Variants in SPATS2L observed in about 807,000 individuals in gnomAD.
The protein encoded by SPATS2L is spermatogenesis associated serine rich 2 like.
Under a neutral mutation model 59.6 loss-of-function variants are expected in SPATS2L, and 30 were observed. That is an observed-to-expected ratio of 0.50 (90% CI 0.38 to 0.68). The LOEUF (loss-of-function observed/expected upper bound fraction) is 0.68. Among genes scored for constraint, SPATS2L ranks in the 30% least tolerant of loss-of-function variants. The pLI is 0.00. For missense variants in SPATS2L, 615 were observed against 700.0 expected, an observed-to-expected ratio of 0.88 and a Z score of 1.37; for synonymous variants, 252 against 263.5, an observed-to-expected ratio of 0.96 and a Z score of 0.42.
intron 2 of SPATS2L, among the ~76,000 whole-genome samples, chr2:200,352,313 T>TTATATATA (rs869105613): frequency 1.2e-4 from 1 of 8,652 alleles, no homozygotes; most frequent in African/African-American, 1.6e-4. Context: ...CCAGCAGTTT[T>TTATATATA]TATATATATA....
Position 200,469,950 on chromosome 2 carries a change from G to T in SPATS2L, c.994G>T (p.Gly332Trp), listed in dbSNP as rs1241225561. The change falls in exon 11 of 13, where the codon GGG becomes TGG. Residue 332 changes from glycine (G) to tryptophan (W), a missense_variant. Gly to Trp is a radical substitution (Grantham distance 184). Coordinates refer to ENST00000409140, the MANE Select transcript of SPATS2L (RefSeq NM_001100423.2). ...VSERKYDEEL[G>W]KAARFSCDIE... ...CGAGCGTAAATATGACGAGGAGCTC[G>T]GGAAAGCTGCCCGGTTTTCCTGTGA... 2.5e-6 allele frequency: 4 copies of T among 1,612,006 alleles called. No individual in the cohort carries two copies. Among genetic ancestry groups the T allele is most frequent in the East Asian group, 2.2e-5 (1 of 44,816 alleles).
At chr2:200,471,957 AGG>A (rs1257372336) in intron 11 of SPATS2L, among the ~76,000 whole-genome samples, 6 of 152,220 alleles carry the variant, frequency 3.9e-5, no homozygotes, top group Non-Finnish European at 5.9e-5. Flanking sequence ...GAGGGAAGTC[AGG>A]GCTTTATCCT....
chr2:200,352,063 G>C (rs1444687063), intron 2 of SPATS2L, among the ~76,000 whole-genome samples: 1 of 152,090 alleles, frequency 6.6e-6, no homozygotes, highest in Non-Finnish European at 1.5e-5. Context: ...GAAAGAGCCA[G>C]AGACTGATGG....
At chr2:200,351,207 A>C in intron 2 of SPATS2L, 1 of 470,914 alleles carries the variant, frequency 2.1e-6, no homozygotes. Flanking sequence ...GTAGCTGAGC[A>C]CTTGCTGGGA....
chr2:200,442,342 G>A (rs1416087769), intron 8 of SPATS2L, among the ~76,000 whole-genome samples: 1 of 152,082 alleles, frequency 6.6e-6, no homozygotes, highest in East Asian at 1.9e-4. Flanking sequence ...CTAGAGCCAG[G>A]GTCTGCAGAC....
At chr2:200,380,360 C>T (rs992878697) in intron 2 of SPATS2L, among the ~76,000 whole-genome samples, 4 of 152,222 alleles carry the variant, frequency 2.6e-5, no homozygotes, top group African/African-American at 7.2e-5. Flanking sequence ...CTGCCGTGTA[C>T]GTGCAGCATA....
intron 8 of SPATS2L, among the ~76,000 whole-genome samples, chr2:200,449,610 A>G (rs1342466317): frequency 1.3e-5 from 2 of 152,078 alleles, no homozygotes; most frequent in Non-Finnish European, 2.9e-5. Flanking sequence ...AAATAGAAAA[A>G]TAAAGAGGAA....
At chr2:200,383,951 T>C in intron 2 of SPATS2L, 1 of 1,002,232 alleles carries the variant, frequency 1.0e-6, no homozygotes, top group South Asian at 4.7e-5. Context: ...AGTGAAACTT[T>C]ATTACTGCCT....
intron 6 of SPATS2L, among the ~76,000 whole-genome samples, chr2:200,432,199 G>A (rs1574509176): frequency 6.6e-6 from 1 of 152,214 alleles, no homozygotes; most frequent in African/African-American, 2.4e-5. Context: ...GGAAGTAGAT[G>A]GAAGGGGCTT....
chr2:200,351,343 G>A, intron 2 of SPATS2L: 3 of 470,866 alleles, frequency 6.4e-6, no homozygotes, highest in South Asian at 4.7e-5. Flanking sequence ...TAAACTTAAT[G>A]TATGCTAGAA....
rs183269653 is a variant in SPATS2L, at chr2:200,389,395, G to T, written c.39+112G>T. 2.1e-4 allele frequency: 150 copies of T among 705,228 alleles called. 2 individuals are homozygous for T. The highest frequency in any genetic ancestry group is 1.6e-3 in the South Asian group (86 of 52,166). 43.7% of individuals were successfully genotyped at this position (705,228 alleles called of 1,614,324 possible). ...AAGGGAAAGTGGTTTTGGGGGATAC[G>T]TAGTAAGTTTGCCACAACAGTAAAC... On this transcript the variant is annotated intron_variant, in intron 3 of 12. Transcript: ENST00000409140.
At chr2:200,322,062 A>G (rs1041045632) in intron 1 of SPATS2L, among the ~76,000 whole-genome samples, 3 of 152,248 alleles carry the variant, frequency 2.0e-5, no homozygotes, top group African/African-American at 7.2e-5. Context: ...ACTTGGTGCC[A>G]CATGAAAGAT....
rs753310352 is a variant in SPATS2L at position 200,477,855 on chromosome 2, G to T, written c.1501G>T (p.Ala501Ser). The stretch of plus-strand genomic sequence containing the variant: ...TTCCTTGGGGATGAAGACCCCCGAG[G>T]CCCCGGCCCATTCTGAAAAGCCCCG... ...EASLGMKTPE[A>S]PAHSEKPRRR... Residue 501 changes from alanine to serine, a missense_variant, in exon 13 of 13, where the codon GCC becomes TCC. Physicochemically the swap from Ala to Ser is moderately conservative, Grantham distance 99. Transcript: ENST00000409140. 4.4e-6 allele frequency: 7 copies of T among 1,592,566 alleles called. No homozygotes were observed. The South Asian group carries it at 5.7e-5, about 13-fold the overall frequency.
In SPATS2L at chr2:200,440,744, G is replaced by A. The variant is rs562876187; in HGVS notation, c.748G>A (p.Val250Met). 1.2e-5 allele frequency: 20 copies of A among 1,613,620 alleles called. No homozygotes were observed. In the East Asian group the frequency reaches 1.3e-4, roughly 11 times the overall value. ...GATTAAGGAAGAAGTGGATAGTTCCGTGAAGAAGATCAAAGCTGCCTTTGC... is the reference window on the plus strand; with the variant it reads ...GATTAAGGAAGAAGTGGATAGTTCCATGAAGAAGATCAAAGCTGCCTTTGC... ...VMIKEEVDSS[V>M]KKIKAAFAEL... Residue 250 changes from valine (V) to methionine (M), a missense_variant, in exon 8 of 13, where the codon GTG becomes ATG. Val to Met is a conservative substitution (Grantham distance 21). Around this residue, in one of 3 missense-constraint regions of SPATS2L, gnomAD observed 104 missense variants for 162.5 expected, o/e 0.64. Coordinates refer to ENST00000409140, the MANE Select transcript of SPATS2L (RefSeq NM_001100423.2).
At chr2:200,368,498 A>T (rs1264326535) in intron 2 of SPATS2L, among the ~76,000 whole-genome samples, 2 of 152,234 alleles carry the variant, frequency 1.3e-5, no homozygotes, top group Non-Finnish European at 2.9e-5. Flanking sequence ...TAAATGAAGG[A>T]AACTGCTATT....
intron 2 of SPATS2L, among the ~76,000 whole-genome samples, chr2:200,367,245 G>A (rs1451768477): frequency 2.6e-5 from 4 of 152,044 alleles, no homozygotes; most frequent in African/African-American, 9.7e-5. Flanking sequence ...ATTAAGTTGG[G>A]TTTTTTTCCC....
At chr2:200,315,892 G>T (rs2079358502) in intron 1 of SPATS2L, among the ~76,000 whole-genome samples, 1 of 150,852 alleles carries the variant, frequency 6.6e-6, no homozygotes, top group Non-Finnish European at 1.5e-5. Flanking sequence ...TGGCATGGTG[G>T]TGGGCACCTG....
At chr2:200,472,681 C>G in intron 11 of SPATS2L, 151 bp from the exon 12 acceptor site, 1 of 662,904 alleles carries the variant, frequency 1.5e-6, no homozygotes, top group Non-Finnish European at 2.6e-6. Context: ...CACCAAGATG[C>G]CCTTTCAAAT....
intron 1 of SPATS2L, among the ~76,000 whole-genome samples, chr2:200,328,752 T>G (rs1414856802): frequency 6.6e-6 from 1 of 152,000 alleles, no homozygotes; most frequent in Non-Finnish European, 1.5e-5. Context: ...GGTGACCGAG[T>G]GAGTGATTGA....
Sources: gnomAD v4.1 joint callset for allele counts (sites outside exome capture counted in the v4.1 genomes callset) on GRCh38, gnomAD v4.1.1 for gene constraint, gnomAD v4.1.1 regional missense constraint, MANE v1.5 for transcripts, NCBI Gene and HGNC (gene_info 2026-07-23, HGNC 2026-07-21) for gene names.